The following EEFSEC variants were observed in gnomAD, a reference collection of about 807,000 sequenced individuals.
The protein encoded by EEFSEC is eukaryotic elongation factor, selenocysteine-tRNA specific, also known as selenocysteine-specific elongation factor.
EEFSEC carries 43 observed loss-of-function variants against 42.1 expected under a neutral mutation model. The observed-to-expected ratio is 1.02, with a 90% CI of 0.80 to 1.32. EEFSEC has a LOEUF of 1.32. Among genes scored for constraint, EEFSEC ranks in the 40% most tolerant of loss-of-function variants. The probability of loss-of-function intolerance (pLI) is 0.00; values close to 1 mark genes in which losing one functional copy is unlikely to be tolerated. For missense variants in EEFSEC, 745 were observed against 803.6 expected, an observed-to-expected ratio of 0.93 and a Z score of 0.88; for synonymous variants, 354 against 339.1, an observed-to-expected ratio of 1.04 and a Z score of -0.48.
chr3:128,308,745 C>G (rs1442159305), intron 4 of EEFSEC, among the ~76,000 whole-genome samples: 1 of 152,158 alleles, frequency 6.6e-6, no homozygotes, highest in Non-Finnish European at 1.5e-5. Flanking sequence ...TATGGCAGCC[C>G]CAGGACTCCC....
intron 2 of EEFSEC, among the ~76,000 whole-genome samples, chr3:128,254,591 G>A (rs2066222831): frequency 6.6e-6 from 1 of 152,190 alleles, no homozygotes; most frequent in African/African-American, 2.4e-5. Flanking sequence ...TTGCCTGGGT[G>A]AGGTTTGCCT....
chr3:128,377,379 C>G (rs2067722265), intron 6 of EEFSEC, among the ~76,000 whole-genome samples: 1 of 152,212 alleles, frequency 6.6e-6, no homozygotes, highest in Non-Finnish European at 1.5e-5. Flanking sequence ...CCATTACTTA[C>G]CAGGTCTACA....
At chr3:128,363,019 C>T (rs1032304298) in intron 6 of EEFSEC, among the ~76,000 whole-genome samples, 2 of 151,978 alleles carry the variant, frequency 1.3e-5, no homozygotes, top group African/African-American at 4.8e-5. Flanking sequence ...CAGTTAAGAC[C>T]CCAGAAGGAG....
At chr3:128,404,162 A>G (rs145992019) in intron 6 of EEFSEC, among the ~76,000 whole-genome samples, 47 of 152,322 alleles carry the variant, frequency 3.1e-4, no homozygotes, top group African/African-American at 1.0e-3. Flanking sequence ...AGGAAAAAAA[A>G]GGCCACTGGG....
chr3:128,420,546 G>T, the EEFSEC span, among the ~76,000 whole-genome samples: 101 of 152,174 alleles, frequency 6.6e-4, no homozygotes, highest in Non-Finnish European at 1.3e-3. Context: ...AGTTGGATGG[G>T]ACTGAGAGAG....
rs76829052 is a variant in EEFSEC, at chr3:128,153,626, C to T, written c.119C>T (p.Pro40Leu). 3.1e-5 allele frequency: 49 copies of T among 1,597,252 alleles called. No homozygotes were observed. Among genetic ancestry groups the T allele is most frequent in the Admixed American group, 6.7e-5 (4 of 59,724 alleles). Residue 40 changes from proline to leucine, a missense_variant, in exon 1 of 7, where the codon CCG becomes CTG. Transcript: ENST00000254730. ...TCCACCGCCGCCTTTGACAAGCAGC[C>T]GCAGAGCCGCGAGCGCGGCATCACG... ...TASTAAFDKQ[P>L]QSRERGITLD...
chr3:128,394,009 G>A (rs1299026896), intron 6 of EEFSEC, among the ~76,000 whole-genome samples: 3 of 152,000 alleles, frequency 2.0e-5, no homozygotes, highest in South Asian at 4.1e-4. Flanking sequence ...CAGTGGGGCG[G>A]TGGCGGGGGC....
intron 4 of EEFSEC, among the ~76,000 whole-genome samples, chr3:128,315,184 A>T (rs1465086319): frequency 6.6e-6 from 1 of 152,226 alleles, no homozygotes; most frequent in African/African-American, 2.4e-5. Flanking sequence ...TTTTCTCAGC[A>T]GTAAAGTGGG....
At chr3:128,343,346 C>G (rs2107567583) in intron 5 of EEFSEC, among the ~76,000 whole-genome samples, 1 of 152,276 alleles carries the variant, frequency 6.6e-6, no homozygotes, top group Non-Finnish European at 1.5e-5. Flanking sequence ...GTGCTCCACC[C>G]TGGCCCTCTT....
At chr3:128,204,376 T>C (rs978364632) in intron 1 of EEFSEC, among the ~76,000 whole-genome samples, 1 of 152,234 alleles carries the variant, frequency 6.6e-6, no homozygotes, top group African/African-American at 2.4e-5. Flanking sequence ...ATATTAACTG[T>C]TATTATTGCT....
intron 6 of EEFSEC, among the ~76,000 whole-genome samples, chr3:128,365,899 C>G (rs1030842695): frequency 1.3e-5 from 2 of 152,240 alleles, no homozygotes; most frequent in Admixed American, 6.5e-5. Context: ...CCAGATGCCC[C>G]GCTTTGCCTC....
the EEFSEC span, among the ~76,000 whole-genome samples, chr3:128,418,691 A>G: frequency 2.0e-5 from 3 of 150,872 alleles, no homozygotes; most frequent in Admixed American, 2.0e-4. Flanking sequence ...GACTGTGCTC[A>G]GCATCCCTGA....
chr3:128,292,734 T>C (rs1222359660), intron 4 of EEFSEC, among the ~76,000 whole-genome samples: 1 of 152,006 alleles, frequency 6.6e-6, no homozygotes, highest in Non-Finnish European at 1.5e-5. Context: ...ATTTTATTAA[T>C]CTTTCCAAAT....
chr3:128,398,796 G>A (rs2068013551), intron 6 of EEFSEC, among the ~76,000 whole-genome samples: 1 of 152,174 alleles, frequency 6.6e-6, no homozygotes. Flanking sequence ...TTGGGGCAGG[G>A]CTGGCTGCAC....
chr3:128,340,642 A>T (rs929841598), intron 4 of EEFSEC, among the ~76,000 whole-genome samples: 13 of 152,172 alleles, frequency 8.5e-5, no homozygotes, highest in African/African-American at 3.1e-4. Context: ...CAGCAGATAC[A>T]CAATAGACAG....
intron 6 of EEFSEC, among the ~76,000 whole-genome samples, chr3:128,386,483 G>A (rs939620203): frequency 1.1e-4 from 17 of 152,226 alleles, no homozygotes; most frequent in Non-Finnish European, 2.2e-4. Flanking sequence ...CAGGCAGTGG[G>A]GGGGGGATGC....
chr3:128,277,685 G>A (rs1201034419), intron 4 of EEFSEC, among the ~76,000 whole-genome samples: 1 of 150,562 alleles, frequency 6.6e-6, no homozygotes, highest in African/African-American at 2.5e-5. Flanking sequence ...CCCGATTTGT[G>A]TGCTCGCATT....
At chr3:128,253,949 C>T (rs2066214965) in intron 2 of EEFSEC, among the ~76,000 whole-genome samples, 7 of 152,124 alleles carry the variant, frequency 4.6e-5, no homozygotes, top group South Asian at 2.1e-4. Flanking sequence ...CTCAGAGTTA[C>T]GTCTCTTGTC....
chr3:128,421,650 G>A, the EEFSEC span, among the ~76,000 whole-genome samples: 1 of 152,356 alleles, frequency 6.6e-6, no homozygotes, highest in South Asian at 2.1e-4. Flanking sequence ...GGTGCACAGA[G>A]GGAGGAGGAA....
Sources: gnomAD v4.1 joint callset for allele counts (sites outside exome capture counted in the v4.1 genomes callset) on GRCh38, gnomAD v4.1.1 for gene constraint, MANE v1.5 for transcripts, NCBI Gene and HGNC (gene_info 2026-07-23, HGNC 2026-07-21) for gene names.